The following SLC7A2 variants were observed in gnomAD, a reference collection of about 807,000 sequenced individuals.
The protein encoded by SLC7A2 is solute carrier family 7 member 2, also known as cationic amino acid transporter 2.
A neutral mutation model predicts 58.9 loss-of-function variants in SLC7A2; 48 were observed. That is an observed-to-expected ratio of 0.82 (90% confidence interval 0.65 to 1.04). SLC7A2 has a LOEUF of 1.04. SLC7A2 is among the 50% of genes least tolerant of loss of function. The probability of loss-of-function intolerance (pLI) is 0.00; values close to 1 mark genes in which losing one functional copy is unlikely to be tolerated. For synonymous variants in SLC7A2, 363 were observed against 314.5 expected (o/e 1.15, Z -1.63); for missense variants, 1,029 against 818.8 (o/e 1.26, Z -3.13).
Position 17,543,599 on chromosome 8 carries a change from C to A in SLC7A2, c.260C>A (p.Ala87Asp). ...TCAGTGATGGCTGGCCTCTGCTATGCCGAATTTGGGGCCCGTGTTCCCAAG... is the reference window on the plus strand; with the variant it reads ...TCAGTGATGGCTGGCCTCTGCTATGACGAATTTGGGGCCCGTGTTCCCAAG... ...LASVMAGLCY[A>D]EFGARVPKTG... Residue 87 changes from alanine to aspartate, a missense_variant, in exon 3 of 13, where the codon GCC becomes GAC. Physicochemically the swap from Ala to Asp is moderately radical, Grantham distance 126. Coordinates refer to ENST00000494857, the MANE Select transcript of SLC7A2 (RefSeq NM_001370338.1). 6.2e-7 allele frequency: 1 copy of A among 1,606,134 alleles called. No individual in the cohort carries two copies. The highest frequency in any genetic ancestry group is 8.5e-7 in the Non-Finnish European group (1 of 1,176,178).
At chr8:17,537,667 A>G (rs1801731405) in intron 2 of SLC7A2, among the ~76,000 whole-genome samples, 1 of 152,162 alleles carries the variant, frequency 6.6e-6, no homozygotes, top group Non-Finnish European at 1.5e-5. Context: ...AAAGGCACAT[A>G]TAAGGTGACA....
chr8:17,562,180 ATTTTTTTTTTTTTTTTTTTT>A (rs200130071), intron 11 of SLC7A2, 70 bp downstream of exon 11: 18,614 of 586,602 alleles, frequency 0.032, 83 homozygotes, highest in South Asian at 0.049. Context: ...TTTGGTAAGT[ATTTTTTTTTTTTTTTTTTTT>A]TTTTTTTTTT....
intron 2 of SLC7A2, among the ~76,000 whole-genome samples, chr8:17,534,817 A>C (rs1288111492): frequency 6.6e-6 from 1 of 152,094 alleles, no homozygotes; most frequent in African/African-American, 2.4e-5. Context: ...TGGCATGTAA[A>C]GTTAATGTTT....
chr8:17,562,120 A>C lies in SLC7A2; in HGVS notation c.1671+10A>C, dbSNP rs766089940. On this transcript the variant is annotated intron_variant, in intron 11 of 12. Transcript: ENST00000494857. ...AAAAGTAGCCTTCATGGTATGTGTA[A>C]TGAGGATTAGAGACCCAAAATACTG... The C allele has an allele frequency of 1.9e-6, 3 of 1,597,274 alleles. No individual in the cohort carries two copies. In the African/African-American group the frequency reaches 4.1e-5, roughly 22 times the overall value.
intron 4 of SLC7A2, among the ~76,000 whole-genome samples, chr8:17,547,650 G>C (rs1361906461): frequency 6.6e-6 from 1 of 152,120 alleles, no homozygotes; most frequent in Non-Finnish European, 1.5e-5. Flanking sequence ...TTATGTCAGT[G>C]CTATTTATAA....
chr8:17,526,018 C>T (rs527733924), intron 2 of SLC7A2, among the ~76,000 whole-genome samples: 1 of 152,038 alleles, frequency 6.6e-6, no homozygotes, highest in Admixed American at 6.5e-5. Flanking sequence ...ATCTCTATAC[C>T]CTAGATTTTT....
chr8:17,543,242 T>C lies in SLC7A2; in HGVS notation c.-22-76T>C. ...AACACACACACACACATACTCTAAT[T>C]GTGCCTGGAAGCTAGGTTACCAAAG... On this transcript the variant is annotated intron_variant, in intron 2 of 12. Transcript: ENST00000494857. The C allele has an allele frequency of 6.0e-6, 8 of 1,334,500 alleles. 1 individual carries two copies. In the South Asian group the frequency reaches 1.1e-4, roughly 18 times the overall value. The allele number at this position is 1,334,500 out of a possible 1,614,324, so 82.7% of individuals were successfully genotyped here.
intron 2 of SLC7A2, among the ~76,000 whole-genome samples, chr8:17,516,051 A>T (rs923397527): frequency 4.6e-5 from 7 of 152,200 alleles, no homozygotes; most frequent in Non-Finnish European, 8.8e-5. Flanking sequence ...GTATTTAAAG[A>T]AAGTTATCAT....
intron 2 of SLC7A2, among the ~76,000 whole-genome samples, chr8:17,530,062 T>A (rs1801382520): frequency 6.6e-6 from 1 of 152,116 alleles, no homozygotes; most frequent in Non-Finnish European, 1.5e-5. Flanking sequence ...CCGGCTTCTC[T>A]TGGCAGGTGA....
At chr8:17,559,607 A>G (rs1802867046) in intron 9 of SLC7A2, among the ~76,000 whole-genome samples, 1 of 152,250 alleles carries the variant, frequency 6.6e-6, no homozygotes. Context: ...AAACCATCAG[A>G]TCTCATGAGA....
intron 2 of SLC7A2, among the ~76,000 whole-genome samples, chr8:17,512,415 C>T (rs535997610): frequency 2.6e-5 from 4 of 152,128 alleles, no homozygotes; most frequent in Non-Finnish European, 5.9e-5. Flanking sequence ...GGCATGGTGG[C>T]GCGTGTCTGT....
intron 2 of SLC7A2, among the ~76,000 whole-genome samples, chr8:17,540,010 G>C (rs984940201): frequency 6.6e-6 from 1 of 152,000 alleles, no homozygotes; most frequent in Non-Finnish European, 1.5e-5. Context: ...ACTAATATTA[G>C]ACACAAATTT....
chr8:17,495,662 G>A (rs1013418460), upstream of SLC7A2, among the ~76,000 whole-genome samples: 1 of 152,160 alleles, frequency 6.6e-6, no homozygotes, highest in Non-Finnish European at 1.5e-5. Context: ...CGATTCTCCT[G>A]CCTCAACCTC....
rs141721592 is a variant in SLC7A2 at position 17,560,508 on chromosome 8, C to T, written c.1479C>T (p.Leu493=). The change falls in exon 10 of 13, where the codon CTC becomes CTT. Residue 493 remains leucine (L), a synonymous_variant. Coordinates refer to ENST00000494857, the MANE Select transcript of SLC7A2 (RefSeq NM_001370338.1). ...SLLPTQQSAS[L]VSFLVGFLAF... is the part of the protein sequence containing the mutation. ...TGCCAACACAGCAGTCAGCTTCTCT[C>T]GTGAGCTTTCTGGTAGGATTCCTAG... 1.3e-4 allele frequency: 213 copies of T among 1,613,712 alleles called. No homozygotes were observed. The highest frequency in any genetic ancestry group is 1.6e-4 in the Non-Finnish European group (188 of 1,179,810).
At chr8:17,558,013 A>T (rs1022370561) in intron 8 of SLC7A2, among the ~76,000 whole-genome samples, 2 of 152,066 alleles carry the variant, frequency 1.3e-5, no homozygotes, top group Admixed American at 1.3e-4. Context: ...CTGTCATGTA[A>T]TGTTTTCACT....
intron 2 of SLC7A2, among the ~76,000 whole-genome samples, chr8:17,507,059 C>T (rs1490889560): frequency 6.6e-6 from 1 of 151,936 alleles, no homozygotes; most frequent in African/African-American, 2.4e-5. Flanking sequence ...ATTCCCCTGC[C>T]TCAGCCTCCC....
rs1801991570 is a variant in SLC7A2, at chr8:17,543,197, CA to C, written c.-22-120del. Reference sequence around the variant, plus strand: ...TCTCTTCTAACAAGTGAAACACACACACACACACACACACACACAAACACAC... The same window carrying C: ...TCTCTTCTAACAAGTGAAACACACACCACACACACACACACACAAACACAC... On this transcript the variant is annotated intron_variant, in intron 2 of 12. Coordinates refer to ENST00000494857, the MANE Select transcript of SLC7A2 (RefSeq NM_001370338.1). The C allele has an allele frequency of 5.9e-6, 5 of 853,188 alleles. No homozygotes were observed. The East Asian group carries it at 1.3e-4, about 22-fold the overall frequency. 52.9% of individuals were successfully genotyped at this position (853,188 alleles called of 1,614,324 possible).
At chr8:17,513,004 T>G (rs1800666524) in intron 2 of SLC7A2, among the ~76,000 whole-genome samples, 2 of 152,240 alleles carry the variant, frequency 1.3e-5, no homozygotes, top group South Asian at 4.1e-4. Context: ...GTCCATTGTA[T>G]GTATAAAGCA....
chr8:17,554,085 C>T (rs1490607938), intron 7 of SLC7A2, among the ~76,000 whole-genome samples: 1 of 152,036 alleles, frequency 6.6e-6, no homozygotes, highest in African/African-American at 2.4e-5. Context: ...AATACTGGTA[C>T]AATAAATGCA....
Sources: gnomAD v4.1 joint callset for allele counts (sites outside exome capture counted in the v4.1 genomes callset) on GRCh38, gnomAD v4.1.1 for gene constraint, MANE v1.5 for transcripts, NCBI Gene and HGNC (gene_info 2026-07-23, HGNC 2026-07-21) for gene names.